KIAA1549L: variants seen among roughly 807,000 people sequenced by gnomAD.
KIAA1549L encodes KIAA1549 like.
In KIAA1549L, 88 loss-of-function variants were observed where a neutral mutation model predicts 160.7. The ratio of observed to expected loss-of-function variants is 0.55; its 90% CI spans 0.46 to 0.65. The LOEUF (loss-of-function observed/expected upper bound fraction) is 0.65, where lower values mean the gene tolerates loss of function less well. KIAA1549L is among the 30% of genes least tolerant of loss of function. The pLI, the probability that KIAA1549L is intolerant of heterozygous loss-of-function variation, is 0.00. For missense variants in KIAA1549L, 2,258 were observed against 2,437.5 expected (o/e 0.93, Z 1.55); for synonymous variants, 950 against 976.7 (o/e 0.97, Z 0.51).
chr11:33,670,583 C>T lies in KIAA1549L; in HGVS notation c.*2429C>T, dbSNP rs780042825. 5.9e-5 allele frequency: 9 copies of T among 152,220 alleles called. No individual in the cohort carries two copies. Among genetic ancestry groups the T allele is most frequent in the Non-Finnish European group, 8.8e-5 (6 of 68,054 alleles). 9.4% of individuals were successfully genotyped at this position (152,220 alleles called of 1,614,324 possible). On this transcript the variant is annotated 3_prime_UTR_variant, in exon 21 of 21. Coordinates refer to ENST00000658780, the MANE Select transcript of KIAA1549L (RefSeq NM_012194.3). ...AAAGAAATCAGTCTGTTCATGTTAT[C>T]CCACTCATGGGGAGACAGAGCCACT...
chr11:33,660,948 C>T lies in KIAA1549L; in HGVS notation c.6093C>T (p.Ser2031=), dbSNP rs369335310. The T allele has an allele frequency of 5.6e-6, 9 of 1,613,232 alleles. No homozygotes were observed. In the African/African-American group the frequency reaches 1.2e-4, roughly 22 times the overall value. ...ACTTCATCCCAACGCCTCCCTCATC[C>T]TATAGGAACCAGGCCTGGATGTCCT... is the stretch of plus-strand genomic sequence containing the variant. ...TGYFIPTPPS[S]YRNQAWMSYA... is the part of the protein sequence containing the mutation. The change falls in exon 20 of 21, where the codon TCC becomes TCT. Residue 2031 remains serine, a synonymous_variant. Transcript: ENST00000658780.
chr11:33,536,865 C>T (rs1853905863), intron 1 of KIAA1549L, among the ~76,000 whole-genome samples: 2 of 152,214 alleles, frequency 1.3e-5, no homozygotes, highest in South Asian at 4.1e-4. Context: ...TTTCTAAGCA[C>T]TCTGCCATCA....
At chr11:33,655,083 A>G (rs1345354585) in intron 17 of KIAA1549L, among the ~76,000 whole-genome samples, 1 of 152,184 alleles carries the variant, frequency 6.6e-6, no homozygotes, top group Non-Finnish European at 1.5e-5. Context: ...CTTCACAGAG[A>G]GCATTTCTAG....
At chr11:33,635,046 T>G (rs906600076) in intron 16 of KIAA1549L, among the ~76,000 whole-genome samples, 4 of 152,190 alleles carry the variant, frequency 2.6e-5, no homozygotes, top group African/African-American at 9.7e-5. Context: ...CACTTTATTA[T>G]TAGAGAAGCT....
intron 1 of KIAA1549L, among the ~76,000 whole-genome samples, chr11:33,386,835 G>A (rs914045414): frequency 5.3e-5 from 8 of 152,226 alleles, no homozygotes; most frequent in African/African-American, 9.6e-5. Context: ...GGCCAGATGC[G>A]GTGGCTCAAT....
chr11:33,607,154 A>T lies in KIAA1549L; in HGVS notation c.5061+332A>T, dbSNP rs191435661. Among the ~76,000 whole-genome samples, 10 of 152,268 alleles carry T rather than the reference A, an allele frequency of 6.6e-5. 1 individual carries two copies. The highest frequency in any genetic ancestry group is 5.9e-4 in the Admixed American group (9 of 15,300). On this transcript the variant is annotated intron_variant, in intron 14 of 20. Transcript: ENST00000658780. ...TTTTGCCTTTCTTGGTGACACTCCT[A>T]AACTGTCCATTGTGGGATGTTGCTT...
chr11:33,517,823 G>A (rs559370750), intron 1 of KIAA1549L, among the ~76,000 whole-genome samples: 1 of 152,116 alleles, frequency 6.6e-6, no homozygotes, highest in Admixed American at 6.5e-5. Flanking sequence ...GAGTGGAAGG[G>A]GAGAACTTAG....
intron 8 of KIAA1549L, among the ~76,000 whole-genome samples, chr11:33,566,979 T>G (rs1855069771): frequency 6.6e-6 from 1 of 152,242 alleles, no homozygotes; most frequent in East Asian, 1.9e-4. Flanking sequence ...CCTTTGTGTG[T>G]TTGGGGTGAA....
intron 14 of KIAA1549L, among the ~76,000 whole-genome samples, chr11:33,608,882 G>A (rs1348974452): frequency 6.6e-6 from 1 of 152,182 alleles, no homozygotes; most frequent in Non-Finnish European, 1.5e-5. Flanking sequence ...CTTCTATTGT[G>A]GGTGGCTGGT....
At chr11:33,546,285 T>G (rs1189470161) in intron 3 of KIAA1549L, among the ~76,000 whole-genome samples, 1 of 152,146 alleles carries the variant, frequency 6.6e-6, no homozygotes, top group Non-Finnish European at 1.5e-5. Context: ...AATTACAGTA[T>G]CTCTCTCTGT....
chr11:33,622,644 G>A (rs550052923), intron 16 of KIAA1549L, among the ~76,000 whole-genome samples: 2 of 152,142 alleles, frequency 1.3e-5, no homozygotes, highest in Non-Finnish European at 2.9e-5. Context: ...CTCCTGGAAC[G>A]CCAGGAGATA....
At chr11:33,397,601 A>G (rs1287606543) in intron 1 of KIAA1549L, among the ~76,000 whole-genome samples, 2 of 151,472 alleles carry the variant, frequency 1.3e-5, no homozygotes, top group African/African-American at 2.4e-5. Flanking sequence ...AGTCCCAGCT[A>G]CTCGGGAGGC....
chr11:33,667,906 C>A lies in KIAA1549L; in HGVS notation c.6193C>A (p.Arg2065=). 3 of 1,613,340 alleles carry A rather than the reference C, an allele frequency of 1.9e-6. No individual in the cohort carries two copies. In the East Asian group the frequency reaches 6.7e-5, roughly 36 times the overall value. The part of the protein sequence containing the change: ...PLPGYIEAYP[R]SRYPQSSPSR... ...CCCAGGGTACATCGAGGCCTACCCCCGATCACGGTACCCCCAGAGCTCTCC... is the reference window on the plus strand; with the variant it reads ...CCCAGGGTACATCGAGGCCTACCCCAGATCACGGTACCCCCAGAGCTCTCC... Residue 2065 remains arginine, a synonymous_variant, in exon 21 of 21, where the codon CGA becomes AGA. Coordinates refer to ENST00000658780, the MANE Select transcript of KIAA1549L (RefSeq NM_012194.3).
Position 33,668,439 on chromosome 11 carries a change from A to G in KIAA1549L, c.*285A>G. ...TTGGGCATGTGCCCTATGGAAGCTT[A>G]GTCACAAGAGGCACTAGCTAATCTA... On this transcript the variant is annotated 3_prime_UTR_variant, in exon 21 of 21. Coordinates refer to ENST00000658780, the MANE Select transcript of KIAA1549L (RefSeq NM_012194.3). 2.1e-6 allele frequency: 1 copy of G among 465,562 alleles called. No homozygotes were observed. Among genetic ancestry groups the G allele is most frequent in the East Asian group, 3.7e-5 (1 of 27,070 alleles). 28.8% of individuals were successfully genotyped at this position (465,562 alleles called of 1,614,324 possible).
chr11:33,579,744 G>A (rs1356048442), intron 10 of KIAA1549L, among the ~76,000 whole-genome samples: 2 of 152,116 alleles, frequency 1.3e-5, no homozygotes, highest in East Asian at 3.9e-4. Context: ...AAAATCCTGG[G>A]GAAAATATGA....
chr11:33,630,647 G>A (rs1169974269), intron 16 of KIAA1549L, among the ~76,000 whole-genome samples: 1 of 152,224 alleles, frequency 6.6e-6, no homozygotes, highest in Non-Finnish European at 1.5e-5. Flanking sequence ...GCTCATGCAT[G>A]GTGCGTGCAC....
chr11:33,478,993 C>A (rs58874817), intron 1 of KIAA1549L, among the ~76,000 whole-genome samples: 2,893 of 152,256 alleles, frequency 0.019, 79 homozygotes, highest in African/African-American at 0.062. Context: ...CATGTTGCCC[C>A]TAAGGTTACT....
At chr11:33,636,349 CTT>C (rs71034697) in intron 16 of KIAA1549L, among the ~76,000 whole-genome samples, 11 of 136,092 alleles carry the variant, frequency 8.1e-5, no homozygotes, top group Admixed American at 7.4e-5. Flanking sequence ...AATGAATCTT[CTT>C]TTTTTTTTTT....
At chr11:33,487,831 ATC>A (rs1230659649) in intron 1 of KIAA1549L, among the ~76,000 whole-genome samples, 4 of 152,172 alleles carry the variant, frequency 2.6e-5, no homozygotes, top group African/African-American at 9.7e-5. Flanking sequence ...TTCACAGTTG[ATC>A]AGGATTGGTT....
Sources: allele counts gnomAD v4.1 joint callset (sites outside exome capture counted in the v4.1 genomes callset), GRCh38; gene constraint gnomAD v4.1.1; transcripts MANE v1.5; gene names NCBI Gene and HGNC (gene_info 2026-07-23, HGNC 2026-07-21).